The following CLEC16A variants were observed in gnomAD, a reference collection of about 807,000 sequenced individuals.
The protein encoded by CLEC16A is protein CLEC16A.
A neutral mutation model predicts 109.5 loss-of-function variants in CLEC16A; 51 were observed. That is an observed-to-expected ratio of 0.47 (90% CI 0.37 to 0.59). CLEC16A has a LOEUF of 0.59. Among genes scored for constraint, CLEC16A ranks in the 20% least tolerant of loss-of-function variants. CLEC16A has a pLI of 0.00. For missense variants in CLEC16A, 1,339 were observed against 1,394.0 expected (o/e 0.96, Z 0.63); for synonymous variants, 673 against 564.2 (o/e 1.19, Z -2.73).
At chr16:10,972,474 C>A in intron 5 of CLEC16A, 80 bp from the exon 6 acceptor site, 1 of 1,354,608 alleles carries the variant, frequency 7.4e-7, no homozygotes, top group Non-Finnish European at 1.0e-6. Context: ...GCTCTCTCAC[C>A]TTCCCAGGTC....
chr16:11,096,189 A>AAT (rs397956538), intron 19 of CLEC16A, among the ~76,000 whole-genome samples: 1 of 150,154 alleles, frequency 6.7e-6, no homozygotes, highest in Admixed American at 6.6e-5. Context: ...AAAAAAAAAA[A>AAT]TTTTATGTAG....
chr16:10,958,765 A>G (rs1481657308), intron 2 of CLEC16A, among the ~76,000 whole-genome samples: 2 of 152,054 alleles, frequency 1.3e-5, no homozygotes, highest in East Asian at 1.9e-4. Context: ...TTAGTCATGC[A>G]TGGTTGTGTG....
intron 21 of CLEC16A, among the ~76,000 whole-genome samples, chr16:11,125,548 G>T (rs61092880): frequency 9.2e-4 from 140 of 152,246 alleles, no homozygotes; most frequent in African/African-American, 3.2e-3. Context: ...CCATATTTTC[G>T]CATGCTCCTG....
chr16:11,123,090 G>A (rs2052552383), intron 20 of CLEC16A, among the ~76,000 whole-genome samples: 1 of 151,884 alleles, frequency 6.6e-6, no homozygotes, highest in South Asian at 2.1e-4. Flanking sequence ...TTTTAGTACA[G>A]ACTGGGTTTC....
In CLEC16A at chr16:11,067,198, T is replaced by G. The variant is rs1378077899; in HGVS notation, c.2116+6176T>G. 1.8e-3 allele frequency among the ~76,000 whole-genome samples: 264 copies of G among 148,296 alleles called. 1 individual carries two copies. Among genetic ancestry groups the G allele is most frequent in the African/African-American group, 5.8e-3 (233 of 40,500 alleles). The stretch of plus-strand genomic sequence containing the variant: ...TTTTTTGTTTGTTTTTGTTTTTTTT[T>G]TTTTTTTTTTTTAAAAAAAGCAAGT... On this transcript the variant is annotated intron_variant, in intron 19 of 23. Coordinates refer to ENST00000409790, the MANE Select transcript of CLEC16A (RefSeq NM_015226.3).
At chr16:11,115,750 C>T (rs891656027) in intron 19 of CLEC16A, among the ~76,000 whole-genome samples, 6 of 152,048 alleles carry the variant, frequency 3.9e-5, no homozygotes, top group African/African-American at 1.2e-4. Flanking sequence ...ATGATGACTT[C>T]CTTTTTTAAT....
At chr16:11,114,754 A>G (rs2051854949) in intron 19 of CLEC16A, among the ~76,000 whole-genome samples, 1 of 151,994 alleles carries the variant, frequency 6.6e-6, no homozygotes, top group Non-Finnish European at 1.5e-5. Flanking sequence ...AGTTCCCTAA[A>G]ATGATACTGG....
rs1475111657 is a variant in CLEC16A, at chr16:11,020,246, A to G, written c.1357A>G (p.Thr453Ala). ...CAAGCTCTCAGAGCTGGCCGCCAGC[A>G]CCTCCGTGCAGGAGCAGAACACCAC... ...RSKLSELAAS[T>A]SVQEQNTTDE... Residue 453 changes from threonine to alanine, a missense_variant, in exon 12 of 24, where the codon ACC becomes GCC. This residue lies in a region of CLEC16A where 1,061 missense variants were observed against 1,006.8 expected (regional missense o/e 1.05). Transcript: ENST00000409790. The G allele has an allele frequency of 1.2e-6, 2 of 1,613,734 alleles. No individual in the cohort carries two copies. The highest frequency in any genetic ancestry group is 1.7e-6 in the Non-Finnish European group (2 of 1,179,782).
intron 22 of CLEC16A, among the ~76,000 whole-genome samples, chr16:11,135,362 C>T (rs1022311774): frequency 2.6e-5 from 4 of 152,208 alleles, no homozygotes; most frequent in Non-Finnish European, 4.4e-5. Context: ...GGATCCGGGC[C>T]TGCAAGGTTT....
At chr16:11,135,040 TC>T (rs1567373402) in intron 22 of CLEC16A, among the ~76,000 whole-genome samples, 1 of 152,196 alleles carries the variant, frequency 6.6e-6, no homozygotes, top group Non-Finnish European at 1.5e-5. Context: ...CAGGGCTCGT[TC>T]CTGCACAGGT....
chr16:11,161,830 G>A (rs2054731418), intron 22 of CLEC16A, among the ~76,000 whole-genome samples: 4 of 152,174 alleles, frequency 2.6e-5, no homozygotes. Context: ...GTCCATGGTG[G>A]TACCTCCAAC....
intron 12 of CLEC16A, 85 bp from the exon 13 acceptor site, chr16:11,024,736 G>A: frequency 9.6e-7 from 1 of 1,037,142 alleles, no homozygotes. Context: ...GTCAAAGGCA[G>A]CTAGCACCCC....
intron 17 of CLEC16A, among the ~76,000 whole-genome samples, chr16:11,049,584 A>G (rs2047827497): frequency 6.6e-6 from 1 of 152,216 alleles, no homozygotes; most frequent in Non-Finnish European, 1.5e-5. Flanking sequence ...CTTGCTCTGT[A>G]TCTGAAAATC....
intron 21 of CLEC16A, among the ~76,000 whole-genome samples, chr16:11,125,405 A>C (rs1295445481): frequency 6.6e-6 from 1 of 152,124 alleles, no homozygotes; most frequent in Non-Finnish European, 1.5e-5. Flanking sequence ...TTAGAACTAA[A>C]GCCTTGGGTA....
At position 11,178,369 on chromosome 16, in the gene CLEC16A, C is replaced by T. The variant is rs879173877; in HGVS notation, c.2841C>T (p.His947=). Residue 947 remains histidine, a synonymous_variant, in exon 24 of 24, where the codon CAC becomes CAT. Coordinates refer to ENST00000409790, the MANE Select transcript of CLEC16A (RefSeq NM_015226.3). This position sits in a 1 kb window ranked among gnomAD's most constrained non-coding sequence, Gnocchi z 6.5. ...TGAGTCCAGAACTGCCTAAGCCTCA[C>T]CTTCCTGACCAGTTGGTAATCGTCA... ...APMSPELPKP[H]LPDQLVIVNE... 6.2e-7 allele frequency: 1 copy of T among 1,613,596 alleles called. No individual in the cohort carries two copies. Among genetic ancestry groups the T allele is most frequent in the Admixed American group, 1.7e-5 (1 of 60,010 alleles).
intron 2 of CLEC16A, among the ~76,000 whole-genome samples, chr16:10,958,923 C>T (rs1157462403): frequency 6.6e-6 from 1 of 151,616 alleles, no homozygotes; most frequent in Non-Finnish European, 1.5e-5. Flanking sequence ...ATAGCAAGGG[C>T]TGTTAACTGT....
At chr16:10,946,167 A>G (rs991280001) in intron 1 of CLEC16A, among the ~76,000 whole-genome samples, 53 of 152,344 alleles carry the variant, frequency 3.5e-4, no homozygotes, top group African/African-American at 1.2e-3. Flanking sequence ...GCAGGTTTCC[A>G]GAAGGAGATC....
intron 19 of CLEC16A, among the ~76,000 whole-genome samples, chr16:11,111,514 G>T (rs974380364): frequency 8.5e-5 from 13 of 152,206 alleles, no homozygotes; most frequent in Non-Finnish European, 1.6e-4. Context: ...TCAAGGAGAA[G>T]GGTAGACCCC....
intron 10 of CLEC16A, among the ~76,000 whole-genome samples, chr16:11,000,329 T>C (rs2044595137): frequency 6.6e-6 from 1 of 152,182 alleles, no homozygotes; most frequent in African/African-American, 2.4e-5. Flanking sequence ...TATGTCTGAG[T>C]CCACACAGAG....
Sources: gnomAD v4.1 joint callset for allele counts (sites outside exome capture counted in the v4.1 genomes callset) on GRCh38, gnomAD v4.1.1 for gene constraint, gnomAD v4.1.1 regional missense constraint, Gnocchi (gnomAD v3.1) non-coding constraint, MANE v1.5 for transcripts, NCBI Gene and HGNC (gene_info 2026-07-23, HGNC 2026-07-21) for gene names.